The following HMGA2 variants were observed in gnomAD, a reference collection of about 807,000 sequenced individuals.
The protein encoded by HMGA2 is high mobility group protein HMGI-C.
HMGA2 carries 8 observed loss-of-function variants against 19.1 expected under a neutral mutation model. That is an observed-to-expected ratio of 0.42 (90% CI 0.25 to 0.76). HMGA2 has a LOEUF of 0.76. Ranked by LOEUF, HMGA2 falls within the 30% of genes least tolerant of loss-of-function variation. The pLI is 0.28. For synonymous variants in HMGA2, 60 were observed against 48.8 expected (o/e 1.23, Z -0.96); for missense variants, 109 against 136.3 (o/e 0.80, Z 1.00).
intron 3 of HMGA2, chr12:65,867,918 G>A (rs1308106275): frequency 6.5e-6 from 1 of 153,504 alleles, no homozygotes; most frequent in East Asian, 1.9e-4. Context: ...TGGGCACCAT[G>A]TTGCTAAGTT....
At chr12:65,891,034 T>C (rs1468965123) in intron 3 of HMGA2, among the ~76,000 whole-genome samples, 1 of 152,206 alleles carries the variant, frequency 6.6e-6, no homozygotes, top group Admixed American at 6.5e-5. Context: ...CCCAGCCGAC[T>C]TCTTCAATAT....
At chr12:65,908,285 G>A (rs1294908683) in intron 3 of HMGA2, among the ~76,000 whole-genome samples, 7 of 152,068 alleles carry the variant, frequency 4.6e-5, no homozygotes, top group Admixed American at 3.9e-4. Flanking sequence ...GAACAGGTAC[G>A]GGGAACTGTT....
intron 3 of HMGA2, among the ~76,000 whole-genome samples, chr12:65,863,135 G>A (rs1387747913): frequency 2.6e-5 from 4 of 152,204 alleles, no homozygotes; most frequent in Non-Finnish European, 5.9e-5. Context: ...TAGAGCTGGG[G>A]AATGAAACTA....
Position 65,854,101 on chromosome 12 carries a change from A to G in HMGA2, c.249+15532A>G, listed in dbSNP as rs570523064. Among the ~76,000 whole-genome samples the G allele has an allele frequency of 2.2e-4, 33 of 152,296 alleles. No homozygotes were observed. The South Asian group carries it at 6.6e-3, about 31-fold the overall frequency. ...TGAAAAATGGCTGATGAAGGTACAC[A>G]TTTCGAGATATCCTGTGTTCCACCT... On this transcript the variant is annotated intron_variant, in intron 3 of 4. Coordinates refer to ENST00000403681, the MANE Select transcript of HMGA2 (RefSeq NM_003483.6).
intron 4 of HMGA2, chr12:65,956,455 A>C (rs904403983): frequency 3.9e-5 from 6 of 152,278 alleles, no homozygotes; most frequent in African/African-American, 1.2e-4. Flanking sequence ...ACATAGAAGC[A>C]CAGGGAAATT....
intron 3 of HMGA2, among the ~76,000 whole-genome samples, chr12:65,932,303 G>A (rs1026873338): frequency 6.6e-6 from 1 of 152,188 alleles, no homozygotes; most frequent in African/African-American, 2.4e-5. Flanking sequence ...TGCATGATAT[G>A]TGTGTCTCAA....
At chr12:65,841,816 C>T (rs1871009982) in intron 3 of HMGA2, among the ~76,000 whole-genome samples, 1 of 152,128 alleles carries the variant, frequency 6.6e-6, no homozygotes, top group African/African-American at 2.4e-5. Context: ...AAGATACCTA[C>T]CGAGGAATCC....
chr12:65,857,157 A>T (rs1871786399), intron 3 of HMGA2: 1 of 152,242 alleles, frequency 6.6e-6, no homozygotes, highest in African/African-American at 2.4e-5. Context: ...CATTCAAAAG[A>T]TTTATAGACT....
intron 3 of HMGA2, among the ~76,000 whole-genome samples, chr12:65,889,331 T>C (rs1280083774): frequency 6.6e-6 from 1 of 152,216 alleles, no homozygotes. Context: ...TTATTTGCTA[T>C]TTGTTCCTTG....
chr12:65,848,822 G>T (rs1368869084), intron 3 of HMGA2, among the ~76,000 whole-genome samples: 1 of 151,960 alleles, frequency 6.6e-6, no homozygotes, highest in Non-Finnish European at 1.5e-5. Context: ...CGCCACTGCA[G>T]TCCGCAGTCC....
intron 4 of HMGA2, among the ~76,000 whole-genome samples, chr12:65,962,830 A>T (rs919254858): frequency 6.6e-6 from 1 of 152,152 alleles, no homozygotes; most frequent in Non-Finnish European, 1.5e-5. Context: ...GGGTTCATTT[A>T]TACCTTAAGA....
chr12:65,830,197 A>G (rs927751688), intron 2 of HMGA2, among the ~76,000 whole-genome samples: 1 of 151,988 alleles, frequency 6.6e-6, no homozygotes, highest in African/African-American at 2.4e-5. Context: ...CAAAATAATG[A>G]ATGACATTGA....
chr12:65,853,534 C>T (rs528771299), intron 3 of HMGA2, among the ~76,000 whole-genome samples: 7 of 152,198 alleles, frequency 4.6e-5, no homozygotes, highest in Admixed American at 2.6e-4. Flanking sequence ...TAAAATCAGC[C>T]GCAGTGATCC....
chr12:65,833,901 T>C (rs1870586542), intron 2 of HMGA2, among the ~76,000 whole-genome samples: 1 of 152,152 alleles, frequency 6.6e-6, no homozygotes, highest in Non-Finnish European at 1.5e-5. Context: ...ATTATATTTG[T>C]GGGTAGCATT....
intron 3 of HMGA2, among the ~76,000 whole-genome samples, chr12:65,867,337 AAAT>A (rs1431417330): frequency 6.6e-6 from 1 of 152,128 alleles, no homozygotes; most frequent in African/African-American, 2.4e-5. Context: ...GGCAGCATGA[AAAT>A]CTGGAGGCCT....
intron 4 of HMGA2, chr12:65,955,886 T>G (rs1360468841): frequency 6.6e-6 from 1 of 152,232 alleles, no homozygotes; most frequent in Non-Finnish European, 1.5e-5. Flanking sequence ...AGGGCAGTTT[T>G]AAGGATGTTT....
rs970538739 is a variant in HMGA2 at position 65,824,845 on chromosome 12, T to C, written c.-426T>C. On this transcript the variant is annotated 5_prime_UTR_variant, in exon 1 of 5. Coordinates refer to ENST00000403681, the MANE Select transcript of HMGA2 (RefSeq NM_003483.6). ...AGGGACACAATTCACTCCAAGTCTC[T>C]TCCCTTTCCAAGCCGCTTCCGAAGT... 4.0e-6 allele frequency: 1 copy of C among 251,406 alleles called. No individual in the cohort carries two copies. The highest frequency in any genetic ancestry group is 2.2e-5 in the African/African-American group (1 of 45,370). The allele number at this position is 251,406 out of a possible 1,614,324, so 15.6% of individuals were successfully genotyped here.
At chr12:65,860,800 G>T (rs1292431839) in intron 3 of HMGA2, among the ~76,000 whole-genome samples, 1 of 152,218 alleles carries the variant, frequency 6.6e-6, no homozygotes. Context: ...AGTACTTAGA[G>T]ACATAAATAT....
chr12:65,911,796 T>C lies in HMGA2; in HGVS notation c.250-39587T>C, dbSNP rs1344424686. On this transcript the variant is annotated intron_variant, in intron 3 of 4. Transcript: ENST00000403681. ...CACACACAGAACCAGAGCATCCGTG[T>C]AGAAATAAGAACTTACCATGGTAAA... Among the ~76,000 whole-genome samples, 6 of 152,290 alleles carry C rather than the reference T, an allele frequency of 3.9e-5. No individual in the cohort carries two copies. The East Asian group carries it at 1.2e-3, about 29-fold the overall frequency.
Sources: gnomAD v4.1 joint callset for allele counts (sites outside exome capture counted in the v4.1 genomes callset) on GRCh38, gnomAD v4.1.1 for gene constraint, MANE v1.5 for transcripts, NCBI Gene and HGNC (gene_info 2026-07-23, HGNC 2026-07-21) for gene names.